Variants in MCPH1 observed in about 807,000 individuals in gnomAD.
The protein encoded by MCPH1 is microcephalin 1, also known as microcephalin.
In MCPH1, 104 loss-of-function variants were observed where a neutral mutation model predicts 84.5. The ratio of observed to expected loss-of-function variants is 1.23; its 90% CI spans 1.05 to 1.45. The LOEUF (loss-of-function observed/expected upper bound fraction) is 1.45. MCPH1 is among the 40% of genes most tolerant of loss of function. The pLI is 0.00. For synonymous variants in MCPH1, 514 were observed against 366.8 expected (o/e 1.40, Z -4.58); for missense variants, 1,498 against 1,005.7 (o/e 1.49, Z -6.62).
At chr8:6,606,189 A>G (rs1261994291) in intron 12 of MCPH1, among the ~76,000 whole-genome samples, 1 of 152,260 alleles carries the variant, frequency 6.6e-6, no homozygotes, top group Non-Finnish European at 1.5e-5. Flanking sequence ...CATACTTTGA[A>G]GAATATGCCT....
At chr8:6,419,790 C>T (rs909966926) in intron 3 of MCPH1, among the ~76,000 whole-genome samples, 8 of 152,098 alleles carry the variant, frequency 5.3e-5, no homozygotes, top group African/African-American at 1.9e-4. Context: ...TGAGCCACTG[C>T]ACCCAGCTGA....
intron 12 of MCPH1, among the ~76,000 whole-genome samples, chr8:6,585,195 G>T (rs1278672559): frequency 1.3e-5 from 2 of 152,214 alleles, no homozygotes; most frequent in East Asian, 3.9e-4. Flanking sequence ...TACAAAGAAA[G>T]TTCTCCCAGT....
At chr8:6,562,757 A>G in intron 12 of MCPH1, 1 of 1,613,836 alleles carries the variant, frequency 6.2e-7, no homozygotes, top group South Asian at 1.1e-5. Flanking sequence ...TTGGACACGT[A>G]GGGGCTGGAG....
chr8:6,626,160 C>G (rs1313019426), intron 13 of MCPH1: 5 of 985,202 alleles, frequency 5.1e-6, no homozygotes, highest in Non-Finnish European at 6.0e-6. Flanking sequence ...GACCTCAGCT[C>G]TGAGGTGACC....
chr8:6,524,268 G>C (rs1340531375), intron 12 of MCPH1, among the ~76,000 whole-genome samples: 1 of 152,112 alleles, frequency 6.6e-6, no homozygotes, highest in Non-Finnish European at 1.5e-5. Flanking sequence ...GCATCTTTAT[G>C]TTTCAGAATT....
chr8:6,619,505 G>T (rs1223684180), intron 12 of MCPH1, among the ~76,000 whole-genome samples: 1 of 151,936 alleles, frequency 6.6e-6, no homozygotes, highest in Non-Finnish European at 1.5e-5. Context: ...TGGTCAGACC[G>T]GTCTCGAACT....
intron 12 of MCPH1, among the ~76,000 whole-genome samples, chr8:6,591,998 G>A (rs6992147): frequency 0.011 from 1,662 of 152,300 alleles, 36 homozygotes; most frequent in African/African-American, 0.038. Flanking sequence ...CAAAGTGAGA[G>A]TGGGAAACCA....
At chr8:6,524,357 C>G (rs546555159) in intron 12 of MCPH1, among the ~76,000 whole-genome samples, 4 of 152,214 alleles carry the variant, frequency 2.6e-5, no homozygotes, top group Non-Finnish European at 5.9e-5. Flanking sequence ...ATACATTTCA[C>G]TAGCTTTTCT....
chr8:6,414,786 C>A lies in MCPH1; in HGVS notation c.136C>A (p.Gln46Lys), dbSNP rs1216140126. The change falls in exon 3 of 14, where the codon CAA (glutamine) becomes AAA (lysine). Residue 46 changes from glutamine (Q) to lysine (K), a missense_variant. Physicochemically the swap from Gln to Lys is moderately conservative, Grantham distance 53. Transcript: ENST00000344683. ...GAKVSKTFNKQVTHVIFKDGY... is the reference protein window; with the variant it reads ...GAKVSKTFNKKVTHVIFKDGY... The stretch of plus-strand genomic sequence containing the variant: ...ACAGGTTTCAAAAACTTTTAACAAA[C>A]AAGTAACTCACGTTATCTTCAAAGA... 6.2e-7 allele frequency: 1 copy of A among 1,613,662 alleles called. No individual in the cohort carries two copies. The highest frequency in any genetic ancestry group is 1.3e-5 in the African/African-American group (1 of 74,888).
chr8:6,462,376 A>T (rs2129557549), intron 9 of MCPH1, among the ~76,000 whole-genome samples: 1 of 152,378 alleles, frequency 6.6e-6, no homozygotes, highest in South Asian at 2.1e-4. Context: ...ATAAGTGCTC[A>T]GTAAATATTT....
chr8:6,558,973 G>C (rs916302483), intron 12 of MCPH1, among the ~76,000 whole-genome samples: 2 of 151,780 alleles, frequency 1.3e-5, no homozygotes, highest in African/African-American at 4.8e-5. Context: ...CCCTACCATA[G>C]TGAAACTGTC....
chr8:6,420,973 T>A (rs964301967), intron 3 of MCPH1, among the ~76,000 whole-genome samples: 1 of 151,672 alleles, frequency 6.6e-6, no homozygotes, highest in Non-Finnish European at 1.5e-5. Flanking sequence ...CTGGGAAGAG[T>A]CCCAGGCGGG....
chr8:6,413,578 C>T (rs758357206), intron 2 of MCPH1, among the ~76,000 whole-genome samples: 9 of 151,922 alleles, frequency 5.9e-5, no homozygotes, highest in Admixed American at 2.0e-4. Flanking sequence ...CCTTTTGTCT[C>T]CTGTTGTCCG....
chr8:6,520,038 A>C, intron 12 of MCPH1: 1 of 1,600,750 alleles, frequency 6.2e-7, no homozygotes, highest in South Asian at 1.1e-5. Context: ...TCATGAAAAG[A>C]CAAAGACTTG....
chr8:6,546,783 C>T (rs1356997937), intron 12 of MCPH1, among the ~76,000 whole-genome samples: 1 of 152,190 alleles, frequency 6.6e-6, no homozygotes, highest in South Asian at 2.1e-4. Context: ...CCTCCCCTTC[C>T]CCCAATCCAA....
chr8:6,641,524 G>C (rs1011472768), intron 13 of MCPH1, among the ~76,000 whole-genome samples: 1 of 152,212 alleles, frequency 6.6e-6, no homozygotes, highest in African/African-American at 2.4e-5. Context: ...CAGGAAGATT[G>C]CTTGAGCCCA....
chr8:6,411,711 T>C (rs1798562666), intron 2 of MCPH1, among the ~76,000 whole-genome samples: 1 of 152,236 alleles, frequency 6.6e-6, no homozygotes, highest in South Asian at 2.1e-4. Context: ...TCATTATTGT[T>C]AATCTGTGCC....
intron 13 of MCPH1, chr8:6,635,239 G>C (rs1221014881): frequency 1.3e-5 from 2 of 151,680 alleles, no homozygotes; most frequent in Non-Finnish European, 2.9e-5. Context: ...GAAATAGCCA[G>C]AATGGTTCTG....
At chr8:6,562,961 T>A in intron 12 of MCPH1, 2 of 1,555,808 alleles carry the variant, frequency 1.3e-6, no homozygotes, top group Non-Finnish European at 1.8e-6. Context: ...AACCAGCAGC[T>A]TAGCAAACTT....
Sources: gnomAD v4.1 joint callset for allele counts (sites outside exome capture counted in the v4.1 genomes callset) on GRCh38, gnomAD v4.1.1 for gene constraint, MANE v1.5 for transcripts, NCBI Gene and HGNC (gene_info 2026-07-23, HGNC 2026-07-21) for gene names.